Variants in COPB2 observed in about 807,000 individuals in gnomAD.
The protein encoded by COPB2 is coatomer subunit beta'.
COPB2 carries 16 observed loss-of-function variants against 120.8 expected under a neutral mutation model. The observed-to-expected ratio is 0.13, with a 90% CI of 0.09 to 0.20. COPB2 has a LOEUF of 0.20. COPB2 is among the 10% of genes least tolerant of loss of function. The probability of loss-of-function intolerance (pLI) is 1.00; values close to 1 mark genes in which losing one functional copy is unlikely to be tolerated. For synonymous variants in COPB2, 332 were observed against 366.3 expected, an observed-to-expected ratio of 0.91 and a Z score of 1.07; for missense variants, 794 against 1,076.5, an observed-to-expected ratio of 0.74 and a Z score of 3.67.
chr3:139,383,256 A>T, intron 2 of COPB2, 42 bp downstream of exon 2: 1 of 1,597,502 alleles, frequency 6.3e-7, no homozygotes, highest in Non-Finnish European at 8.6e-7. Flanking sequence ...ACACAGTCTC[A>T]CATAGTATTT....
intron 17 of COPB2, among the ~76,000 whole-genome samples, chr3:139,360,206 A>T (rs554415861): frequency 6.6e-6 from 1 of 151,598 alleles, no homozygotes; most frequent in African/African-American, 2.4e-5. Context: ...AAAAAAAAAA[A>T]ATCAGTATGT....
intron 9 of COPB2, among the ~76,000 whole-genome samples, chr3:139,372,050 G>A (rs1941633298): frequency 1.3e-5 from 2 of 152,032 alleles, no homozygotes; most frequent in Non-Finnish European, 2.9e-5. Context: ...TATGAATATG[G>A]CATTACTGCT....
At chr3:139,359,395 A>C (rs759772318) in intron 17 of COPB2, 33 bp from the exon 18 acceptor site, 1 of 1,589,118 alleles carries the variant, frequency 6.3e-7, no homozygotes, top group East Asian at 2.2e-5. Context: ...ACTGTTACCA[A>C]GAATAAACAC....
In COPB2 at chr3:139,389,637, A is replaced by G; in HGVS notation, c.-87T>C. ...AACCCACCGATCCACTGACCGTCAG[A>G]CTGACTGACGTGGAACTTCCGGGAG... On this transcript the variant is annotated 5_prime_UTR_variant, in exon 1 of 22. Transcript: ENST00000333188. 7 of 1,369,946 alleles carry G rather than the reference A, an allele frequency of 5.1e-6. No individual in the cohort carries two copies. The highest frequency in any genetic ancestry group is 7.0e-6 in the Non-Finnish European group (7 of 997,196). 84.9% of individuals were successfully genotyped at this position (1,369,946 alleles called of 1,614,324 possible).
chr3:139,384,675 A>G (rs1255965975), intron 1 of COPB2, among the ~76,000 whole-genome samples: 1 of 152,254 alleles, frequency 6.6e-6, no homozygotes, highest in African/African-American at 2.4e-5. Context: ...AGAATTTAAA[A>G]GATGCATACT....
intron 17 of COPB2, among the ~76,000 whole-genome samples, chr3:139,360,531 A>G (rs1267221455): frequency 6.6e-6 from 1 of 151,944 alleles, no homozygotes; most frequent in Non-Finnish European, 1.5e-5. Flanking sequence ...AAAAAAAAAA[A>G]AAAAAGGAAA....
chr3:139,375,375 G>T, intron 6 of COPB2, 93 bp downstream of exon 6: 1 of 1,289,730 alleles, frequency 7.8e-7, no homozygotes. Context: ...ATTATGCTGT[G>T]AACAGTTTTC....
At chr3:139,365,130 A>G (rs1378999418) in intron 15 of COPB2, among the ~76,000 whole-genome samples, 2 of 152,182 alleles carry the variant, frequency 1.3e-5, no homozygotes, top group Non-Finnish European at 2.9e-5. Flanking sequence ...ATTCATGAAA[A>G]TCCTTCAGAA....
At chr3:139,381,341 C>G (rs1941807843) in intron 2 of COPB2, 1 of 152,100 alleles carries the variant, frequency 6.6e-6, no homozygotes, top group South Asian at 2.1e-4. Context: ...TTCCAAAAAC[C>G]TTTTTGGCTC....
In COPB2 at chr3:139,378,142, A is replaced by G. The variant is rs1035392737; in HGVS notation, c.403T>C (p.Ser135Pro). ...LWDWDKKWSC[S>P]QVFEGHTHYV... The stretch of plus-strand genomic sequence containing the variant: ...TGGGTGTGTCCTTCAAACACTTGTG[A>G]GCAAGACCATTTTTTATCCCAGTCC... Residue 135 changes from serine to proline, a missense_variant, in exon 5 of 22, where the codon TCA (serine) becomes CCA (proline). Around this residue, in one of 3 missense-constraint regions of COPB2, gnomAD observed 610 missense variants for 866.7 expected, o/e 0.70. Coordinates refer to ENST00000333188, the MANE Select transcript of COPB2 (RefSeq NM_004766.3). 6.3e-7 allele frequency: 1 copy of G among 1,585,484 alleles called. No individual in the cohort carries two copies. The highest frequency in any genetic ancestry group is 8.6e-7 in the Non-Finnish European group (1 of 1,158,966).
chr3:139,378,650 C>A, intron 4 of COPB2, among the ~76,000 whole-genome samples: 1 of 152,136 alleles, frequency 6.6e-6, no homozygotes. Flanking sequence ...ACCTCTTTTT[C>A]CAGTCCTCCA....
chr3:139,384,986 T>C (rs1439098116), intron 1 of COPB2: 2 of 152,238 alleles, frequency 1.3e-5, no homozygotes, highest in South Asian at 2.1e-4. Context: ...CATAGAATTA[T>C]CTAGTAAATA....
intron 1 of COPB2, among the ~76,000 whole-genome samples, chr3:139,384,780 C>T (rs1444112337): frequency 3.9e-5 from 6 of 152,328 alleles, no homozygotes; most frequent in Middle Eastern, 3.4e-3. Context: ...GAAGAATATA[C>T]TAACAGTACA....
intron 21 of COPB2, 49 bp from the exon 22 acceptor site, chr3:139,358,007 G>GA: frequency 8.5e-7 from 1 of 1,183,252 alleles, no homozygotes; most frequent in South Asian, 1.4e-5. Flanking sequence ...ACTGTTAAAG[G>GA]AAAGTTATCC....
chr3:139,374,468 A>T, intron 7 of COPB2, 21 bp downstream of exon 7: 2 of 1,600,110 alleles, frequency 1.2e-6, no homozygotes, highest in Non-Finnish European at 1.7e-6. Flanking sequence ...GCACAGGAAT[A>T]AACATACCCT....
At chr3:139,367,757 T>C (rs1309136397) in intron 13 of COPB2, among the ~76,000 whole-genome samples, 3 of 152,222 alleles carry the variant, frequency 2.0e-5, no homozygotes, top group African/African-American at 7.2e-5. Context: ...GATCTAAACT[T>C]AGACCCTTCA....
intron 5 of COPB2, 91 bp from the exon 6 acceptor site, chr3:139,375,705 C>T: frequency 7.8e-6 from 11 of 1,410,750 alleles, no homozygotes; most frequent in African/African-American, 1.4e-5. Context: ...ATGTAAAATG[C>T]CAAAGCCCAG....
At chr3:139,359,747 TG>T (rs1423295342) in intron 17 of COPB2, among the ~76,000 whole-genome samples, 1 of 152,172 alleles carries the variant, frequency 6.6e-6, no homozygotes, top group East Asian at 1.9e-4. Flanking sequence ...GACAAGCCAG[TG>T]GTGCCCAGCA....
chr3:139,358,289 G>C lies in COPB2; in HGVS notation c.2554-18C>G. The C allele has an allele frequency of 6.2e-7, 1 of 1,603,542 alleles. No individual in the cohort carries two copies. The highest frequency in any genetic ancestry group is 2.2e-5 in the East Asian group (1 of 44,810). On this transcript the variant is annotated intron_variant, in intron 20 of 21. Transcript: ENST00000333188. The stretch of plus-strand genomic sequence containing the variant: ...TCAAGTTCCTGAAACCACAAGTGAA[G>C]ATATATATGAAGACAAGGGAATTTA...
Sources: allele counts gnomAD v4.1 joint callset (sites outside exome capture counted in the v4.1 genomes callset), GRCh38; gene constraint gnomAD v4.1.1; regional missense constraint gnomAD v4.1.1; transcripts MANE v1.5; gene names NCBI Gene and HGNC (gene_info 2026-07-23, HGNC 2026-07-21).